ZYG11A: variants seen among roughly 807,000 people sequenced by gnomAD.
ZYG11A encodes zyg-11 family member A, cell cycle regulator, also known as protein zyg-11 homolog A.
ZYG11A carries 62 observed loss-of-function variants against 77.2 expected under a neutral mutation model. The ratio of observed to expected loss-of-function variants is 0.80; its 90% confidence interval spans 0.65 to 0.99. The LOEUF (loss-of-function observed/expected upper bound fraction) is 0.99, where lower values mean the gene tolerates loss of function less well. ZYG11A is among the 50% of genes least tolerant of loss of function. ZYG11A has a pLI of 0.00. For synonymous variants in ZYG11A, 315 were observed against 324.6 expected, an observed-to-expected ratio of 0.97 and a Z score of 0.32; for missense variants, 828 against 896.8, an observed-to-expected ratio of 0.92 and a Z score of 0.98.
Position 52,851,082 on chromosome 1 carries a change from G to A in ZYG11A, c.91-3383G>A, listed in dbSNP as rs371605033. On this transcript the variant is annotated intron_variant, in intron 1 of 13. Coordinates refer to ENST00000371528, the MANE Select transcript of ZYG11A (RefSeq NM_001004339.3). ...GACAGGGTCTCATTTTGTCATCCAG[G>A]CTGGAGTGGAGGGGCGCAATCACGG... Among the ~76,000 whole-genome samples the A allele has an allele frequency of 3.9e-5, 6 of 152,122 alleles. No individual in the cohort carries two copies. The East Asian group carries it at 9.7e-4, about 25-fold the overall frequency.
At position 52,857,061 on chromosome 1, in the gene ZYG11A, A is replaced by G. The variant is rs2149994649; in HGVS notation, c.320A>G (p.Asn107Ser). ...AACCAAATGAAACTGAAGCTGGTCA[A>G]TATCCAAAAAGCTAAAATCTCTACA... ...RGNQMKLKLV[N>S]IQKAKISTAA... Residue 107 changes from asparagine to serine, a missense_variant, in exon 3 of 14, where the codon AAT becomes AGT. Asn to Ser is a conservative substitution (Grantham distance 46). Transcript: ENST00000371528. 1 of 1,550,964 alleles carries G rather than the reference A, an allele frequency of 6.4e-7. No homozygotes were observed. Among genetic ancestry groups the G allele is most frequent in the East Asian group, 2.4e-5 (1 of 40,896 alleles).
intron 3 of ZYG11A, among the ~76,000 whole-genome samples, chr1:52,859,055 A>G (rs1645872148): frequency 6.6e-6 from 1 of 151,998 alleles, no homozygotes; most frequent in South Asian, 2.1e-4. Context: ...CAATTGTTGT[A>G]TTTTAATTAA....
chr1:52,843,684 CTT>C (rs1189630587), intron 1 of ZYG11A, among the ~76,000 whole-genome samples: 1 of 120,896 alleles, frequency 8.3e-6, no homozygotes, highest in Non-Finnish European at 1.8e-5. Context: ...TCTTTTCTTT[CTT>C]TCTTTTTTTT....
Position 52,877,947 on chromosome 1 carries a change from A to C in ZYG11A, c.1727A>C (p.Gln576Pro). Reference sequence around the variant, plus strand: ...CAGACCTTTTCAGAGTCAGCAATACAAAGCAAAGTACTTGGTCTTTTGGTA... The same window carrying C: ...CAGACCTTTTCAGAGTCAGCAATACCAAGCAAAGTACTTGGTCTTTTGGTA... ...VLETFSESAI[Q>P]SKVLGLLNNI... The change falls in exon 10 of 14, where the codon CAA (glutamine) becomes CCA (proline). Residue 576 changes from glutamine (Q) to proline (P), a missense_variant. Physicochemically the swap from Gln to Pro is moderately conservative, Grantham distance 76 (BLOSUM62 -1). Transcript: ENST00000371528. 1.9e-6 allele frequency: 3 copies of C among 1,551,716 alleles called. No individual in the cohort carries two copies. Among genetic ancestry groups the C allele is most frequent in the Non-Finnish European group, 2.6e-6 (3 of 1,146,986 alleles).
At chr1:52,877,011 G>C (rs1646273159) in intron 8 of ZYG11A, among the ~76,000 whole-genome samples, 1 of 152,094 alleles carries the variant, frequency 6.6e-6, no homozygotes, top group Middle Eastern at 3.2e-3. Flanking sequence ...AAGATGTGAG[G>C]TCATGTGATG....
intron 8 of ZYG11A, among the ~76,000 whole-genome samples, chr1:52,869,238 T>C (rs1013521778): frequency 2.7e-5 from 4 of 149,260 alleles, no homozygotes; most frequent in Non-Finnish European, 4.5e-5. Flanking sequence ...TTTTTAGCTT[T>C]AGTGATGTTC....
intron 11 of ZYG11A, among the ~76,000 whole-genome samples, chr1:52,882,613 T>A (rs1646381263): frequency 6.6e-6 from 1 of 152,188 alleles, no homozygotes; most frequent in Non-Finnish European, 1.5e-5. Context: ...TAAAAAGGCC[T>A]TTATTTTACC....
Position 52,857,236 on chromosome 1 carries a change from G to C in ZYG11A, c.495G>C (p.Ser165=), listed in dbSNP as rs1460555309. The part of the protein sequence containing the change: ...QQNLQCLLLD[S]TSIPQNSRLL... ...ACCTCCAGTGTCTCCTGTTAGACTC[G>C]ACAAGCATCCCTCAAAATTCAAGAT... Residue 165 remains serine (S), a synonymous_variant, in exon 3 of 14, where the codon TCG becomes TCC. Coordinates refer to ENST00000371528, the MANE Select transcript of ZYG11A (RefSeq NM_001004339.3). 6.4e-7 allele frequency: 1 copy of C among 1,552,196 alleles called. No homozygotes were observed. Among genetic ancestry groups the C allele is most frequent in the Non-Finnish European group, 8.7e-7 (1 of 1,147,136 alleles).
chr1:52,870,107 G>A (rs1407779526), intron 8 of ZYG11A, among the ~76,000 whole-genome samples: 1 of 150,358 alleles, frequency 6.7e-6, no homozygotes, highest in Non-Finnish European at 1.5e-5. Flanking sequence ...ATCCCAGACG[G>A]GGCGGCGGGG....
At position 52,857,016 on chromosome 1, in the gene ZYG11A, C is replaced by G; in HGVS notation, c.275C>G (p.Thr92Arg). The change falls in exon 3 of 14, where the codon ACA (threonine) becomes AGA (arginine). Residue 92 changes from threonine (T) to arginine (R), a missense_variant. Coordinates refer to ENST00000371528, the MANE Select transcript of ZYG11A (RefSeq NM_001004339.3). The stretch of plus-strand genomic sequence containing the variant: ...TTCATAGGCAAGCTGACTGACAGAA[C>G]AGCCAGCATTTTCCGAGGCAACCAA... ...MTWQGKLTDR[T>R]ASIFRGNQMK... is the part of the protein sequence containing the mutation. The G allele has an allele frequency of 1.3e-6, 2 of 1,540,774 alleles. No homozygotes were observed. Among genetic ancestry groups the G allele is most frequent in the Non-Finnish European group, 1.8e-6 (2 of 1,139,358 alleles).
rs933278430 is a variant in ZYG11A at position 52,861,250 on chromosome 1, G to T, written c.1149+379G>T. On this transcript the variant is annotated intron_variant, in intron 4 of 13. Transcript: ENST00000371528. ...TATAGCCAAACTTAGCTTTGGTTTA[G>T]GGAAGGATGCGTTTTATTGTAAATG... 1.4e-4 allele frequency among the ~76,000 whole-genome samples: 21 copies of T among 152,168 alleles called. No individual in the cohort carries two copies. The East Asian group carries it at 3.5e-3, about 25-fold the overall frequency.
chr1:52,883,043 T>C (rs1032425917), intron 11 of ZYG11A, among the ~76,000 whole-genome samples: 1 of 151,842 alleles, frequency 6.6e-6, no homozygotes, highest in Non-Finnish European at 1.5e-5. Context: ...AAATATAATA[T>C]CCTGTTTTTG....
intron 1 of ZYG11A, among the ~76,000 whole-genome samples, chr1:52,851,989 G>A (rs985671767): frequency 9.4e-5 from 14 of 148,404 alleles, no homozygotes; most frequent in African/African-American, 3.0e-4. Flanking sequence ...ATCTTGGCTC[G>A]CTGCAACCTC....
rs1186724725 is a variant in ZYG11A at position 52,868,186 on chromosome 1, G to A, written c.1542+409G>A. ...TCACCATGTTGGCCAGGCTGGTCTC[G>A]AACTCCTGACCTCGTGATCTGCGTG... On this transcript the variant is annotated intron_variant, in intron 8 of 13. Coordinates refer to ENST00000371528, the MANE Select transcript of ZYG11A (RefSeq NM_001004339.3). Among the ~76,000 whole-genome samples, 5 of 151,468 alleles carry A rather than the reference G, an allele frequency of 3.3e-5. No homozygotes were observed. The East Asian group carries it at 7.9e-4, about 24-fold the overall frequency.
chr1:52,884,501 A>G (rs1366720056), intron 11 of ZYG11A, among the ~76,000 whole-genome samples: 1 of 151,558 alleles, frequency 6.6e-6, no homozygotes, highest in Non-Finnish European at 1.5e-5. Context: ...CTCAAAAAAA[A>G]AAAAAAGCCG....
intron 13 of ZYG11A, among the ~76,000 whole-genome samples, chr1:52,889,708 A>G (rs1296290931): frequency 7.2e-6 from 1 of 137,982 alleles, no homozygotes; most frequent in Non-Finnish European, 1.5e-5. Context: ...AATTTGCTAA[A>G]TACCATTTTT....
In ZYG11A at chr1:52,864,004, T is replaced by TG; in HGVS notation, c.1173_1174insG (p.His392AlafsTer72). On this transcript the variant is annotated frameshift_variant, in exon 5 of 14. Coordinates refer to ENST00000371528, the MANE Select transcript of ZYG11A (RefSeq NM_001004339.3). LOFTEE classifies it high-confidence loss of function. ...AGCTTGTGGCTATAGGAATGAGGAA[T>TG]CACCCATTGGATTTGCGAGTGCAGT... The TG allele has an allele frequency of 6.4e-7, 1 of 1,551,222 alleles. No homozygotes were observed. Among genetic ancestry groups the TG allele is most frequent in the Admixed American group, 2.0e-5 (1 of 50,862 alleles).
At chr1:52,875,108 G>T (rs1193716919) in intron 8 of ZYG11A, among the ~76,000 whole-genome samples, 1 of 152,158 alleles carries the variant, frequency 6.6e-6, no homozygotes, top group Non-Finnish European at 1.5e-5. Flanking sequence ...GCTGAGAGTG[G>T]GTGTTTTAGA....
intron 2 of ZYG11A, 54 bp downstream of exon 2, chr1:52,854,684 AG>A: frequency 1.4e-6 from 2 of 1,406,864 alleles, no homozygotes; most frequent in Non-Finnish European, 9.4e-7. Context: ...CTATTTGAAA[AG>A]CACTTTTACA....
Sources: allele counts gnomAD v4.1 joint callset (sites outside exome capture counted in the v4.1 genomes callset), GRCh38; gene constraint gnomAD v4.1.1; transcripts MANE v1.5; gene names NCBI Gene and HGNC (gene_info 2026-07-23, HGNC 2026-07-21).